Variants in PPP2R1B observed in about 807,000 individuals in gnomAD.
PPP2R1B encodes protein phosphatase 2 scaffold subunit Abeta.
PPP2R1B carries 58 observed loss-of-function variants against 72.7 expected under a neutral mutation model. The observed-to-expected ratio is 0.80, with a 90% confidence interval of 0.65 to 0.99. The LOEUF is 0.99. Among genes scored for constraint, PPP2R1B ranks in the 50% least tolerant of loss-of-function variants. PPP2R1B has a pLI of 0.00. For synonymous variants in PPP2R1B, 256 were observed against 264.6 expected, an observed-to-expected ratio of 0.97 and a Z score of 0.32; for missense variants, 695 against 733.6, an observed-to-expected ratio of 0.95 and a Z score of 0.61.
downstream of PPP2R1B, chr11:111,726,455 G>T (rs775688989): frequency 5.8e-5 from 9 of 154,452 alleles, no homozygotes; most frequent in Non-Finnish European, 1.2e-4. Context: ...CAGCGGCGTG[G>T]ACACCGGCCT....
At chr11:111,764,976 G>A (rs781910623) in intron 2 of PPP2R1B, 71 bp from the exon 3 acceptor site, 19 of 1,577,276 alleles carry the variant, frequency 1.2e-5, no homozygotes, top group Non-Finnish European at 1.6e-5. Context: ...CACAAAACTA[G>A]GAACAGATTC....
chr11:111,753,332 G>T, intron 9 of PPP2R1B, 111 bp downstream of exon 9: 1 of 1,386,930 alleles, frequency 7.2e-7, no homozygotes, highest in Non-Finnish European at 9.8e-7. Flanking sequence ...AATAAGTTAT[G>T]ATTTTTTTAT....
intron 11 of PPP2R1B, among the ~76,000 whole-genome samples, chr11:111,744,653 C>T (rs1270200534): frequency 6.6e-6 from 1 of 152,070 alleles, no homozygotes; most frequent in Non-Finnish European, 1.5e-5. Context: ...TACTTCTCTC[C>T]CCAGGTGGGC....
At position 111,739,513 on chromosome 11, in the gene PPP2R1B, A is replaced by AC. The variant is rs1371096800; in HGVS notation, c.*2082dup. On this transcript the variant is annotated 3_prime_UTR_variant, in exon 15 of 15. Coordinates refer to ENST00000527614, the MANE Select transcript of PPP2R1B (RefSeq NM_002716.5). ...CCACAAAAGACAGAGGCCCCGCTGAACCCCCGACCCATGCTTGAGAAAGCC... is the reference window on the plus strand; with the variant it reads ...CCACAAAAGACAGAGGCCCCGCTGAACCCCCCGACCCATGCTTGAGAAAGCC... 10 of 985,236 alleles carry AC rather than the reference A, an allele frequency of 1.0e-5. No homozygotes were observed. The highest frequency in any genetic ancestry group is 8.4e-6 in the Non-Finnish European group (7 of 829,940). 61.0% of individuals were successfully genotyped at this position (985,236 alleles called of 1,614,324 possible).
At chr11:111,704,487 T>G in the PPP2R1B span, among the ~76,000 whole-genome samples, 1 of 152,234 alleles carries the variant, frequency 6.6e-6, no homozygotes, top group Non-Finnish European at 1.5e-5. Flanking sequence ...ATAGTGTCTC[T>G]CAATTTAGCA....
chr11:111,707,791 C>T, the PPP2R1B span, among the ~76,000 whole-genome samples: 29 of 152,088 alleles, frequency 1.9e-4, no homozygotes, highest in Non-Finnish European at 3.2e-4. Context: ...ACAACATGAT[C>T]CAGTCAATAC....
intron 7 of PPP2R1B, 120 bp downstream of exon 7, chr11:111,754,860 T>C (rs1758628476): frequency 3.2e-6 from 3 of 948,900 alleles, no homozygotes; most frequent in Admixed American, 5.8e-5. Flanking sequence ...TTCCACACAC[T>C]AAAAACATCC....
At chr11:111,715,861 A>C in the PPP2R1B span, among the ~76,000 whole-genome samples, 1 of 125,404 alleles carries the variant, frequency 8.0e-6, no homozygotes, top group Non-Finnish European at 1.5e-5. Flanking sequence ...GAGTGCAGTG[A>C]CACGATCTCA....
the PPP2R1B span, among the ~76,000 whole-genome samples, chr11:111,704,682 T>C: frequency 2.6e-5 from 4 of 152,172 alleles, no homozygotes; most frequent in Admixed American, 2.0e-4. Flanking sequence ...ATGGCAGCAT[T>C]GGGGAATGTC....
At chr11:111,693,814 T>C in the PPP2R1B span, among the ~76,000 whole-genome samples, 1 of 152,116 alleles carries the variant, frequency 6.6e-6, no homozygotes, top group Non-Finnish European at 1.5e-5. Flanking sequence ...CAGGAACAGA[T>C]TATAGGGATT....
the PPP2R1B span, chr11:111,688,161 A>G: frequency 6.2e-7 from 1 of 1,614,118 alleles, no homozygotes; most frequent in South Asian, 1.1e-5. This position sits in a 1 kb window ranked among gnomAD's most constrained non-coding sequence, Gnocchi z 4.2. Flanking sequence ...TCAAAATAGC[A>G]GGTAACTGGG....
chr11:111,762,948 C>A (rs2136114161), intron 3 of PPP2R1B, among the ~76,000 whole-genome samples: 1 of 152,278 alleles, frequency 6.6e-6, no homozygotes, highest in East Asian at 1.9e-4. Flanking sequence ...ACAGAAGAAA[C>A]AAGGCAGACA....
intron 10 of PPP2R1B, among the ~76,000 whole-genome samples, chr11:111,749,871 C>A (rs909418035): frequency 6.6e-6 from 1 of 152,184 alleles, no homozygotes; most frequent in African/African-American, 2.4e-5. Flanking sequence ...CCCTGGGAAA[C>A]TTTCCAGGTC....
the PPP2R1B span, among the ~76,000 whole-genome samples, chr11:111,697,296 G>A: frequency 6.6e-6 from 1 of 152,176 alleles, no homozygotes; most frequent in Non-Finnish European, 1.5e-5. Flanking sequence ...CTTTTAAGAG[G>A]TGGGAACAAC....
At chr11:111,755,913 A>C (rs1217529586) in intron 5 of PPP2R1B, among the ~76,000 whole-genome samples, 1 of 152,032 alleles carries the variant, frequency 6.6e-6, no homozygotes, top group Admixed American at 6.6e-5. Context: ...TTATATCTTG[A>C]AAGAGCTGCT....
At chr11:111,750,898 G>A (rs1400332680) in intron 10 of PPP2R1B, among the ~76,000 whole-genome samples, 1 of 151,474 alleles carries the variant, frequency 6.6e-6, no homozygotes, top group Non-Finnish European at 1.5e-5. Flanking sequence ...CAGTGCAGTA[G>A]TGCAATCTTG....
At chr11:111,754,938 AAATG>A (rs1412186931) in intron 7 of PPP2R1B, 38 bp downstream of exon 7, 2 of 1,506,102 alleles carry the variant, frequency 1.3e-6, no homozygotes, top group African/African-American at 2.8e-5. Flanking sequence ...AAATGCACCA[AAATG>A]AATGACACAT....
chr11:111,701,329 A>T, the PPP2R1B span: 1 of 1,315,662 alleles, frequency 7.6e-7, no homozygotes, highest in Non-Finnish European at 1.0e-6. The surrounding 1 kb of genome is among the most constrained non-coding windows in gnomAD (Gnocchi z 4.2). Flanking sequence ...ATTCTGAGAA[A>T]ATAATAAATC....
chr11:111,718,342 A>G, the PPP2R1B span, among the ~76,000 whole-genome samples: 2 of 152,212 alleles, frequency 1.3e-5, no homozygotes, highest in Non-Finnish European at 2.9e-5. Context: ...GTCAAAAAGG[A>G]AAGTTTATCT....
Sources: gnomAD v4.1 joint callset for allele counts (sites outside exome capture counted in the v4.1 genomes callset) on GRCh38, gnomAD v4.1.1 for gene constraint, Gnocchi (gnomAD v3.1) non-coding constraint, MANE v1.5 for transcripts, NCBI Gene and HGNC (gene_info 2026-07-23, HGNC 2026-07-21) for gene names.